KSR1: variants seen among roughly 807,000 people sequenced by gnomAD.
KSR1 encodes kinase suppressor of ras.
KSR1 carries 35 observed loss-of-function variants against 92.9 expected under a neutral mutation model. That is an observed-to-expected ratio of 0.38 (90% CI 0.29 to 0.50). The LOEUF is 0.50. Ranked by LOEUF, KSR1 falls within the 20% of genes least tolerant of loss-of-function variation. The pLI is 0.94. For synonymous variants in KSR1, 467 were observed against 472.6 expected (o/e 0.99, Z 0.15); for missense variants, 972 against 1,158.5 (o/e 0.84, Z 2.34).
chr17:27,591,726 G>A (rs2073173439), intron 7 of KSR1, among the ~76,000 whole-genome samples: 2 of 152,180 alleles, frequency 1.3e-5, no homozygotes, highest in African/African-American at 4.8e-5. Flanking sequence ...TTTACATTAG[G>A]GACCTCTAGC....
intron 19 of KSR1, chr17:27,617,642 C>T (rs2074101327): frequency 1.9e-6 from 1 of 519,788 alleles, no homozygotes; most frequent in Admixed American, 3.1e-5. Context: ...ATTCTCCTGC[C>T]TCAGCCTCCC....
At chr17:27,467,055 C>G (rs2019732684) in intron 1 of KSR1, among the ~76,000 whole-genome samples, 1 of 152,242 alleles carries the variant, frequency 6.6e-6, no homozygotes, top group Non-Finnish European at 1.5e-5. Context: ...TCACAACACC[C>G]TTGTGAGGAA....
At chr17:27,596,927 G>A (rs1278350876) in intron 9 of KSR1, among the ~76,000 whole-genome samples, 2 of 152,230 alleles carry the variant, frequency 1.3e-5, no homozygotes, top group Non-Finnish European at 2.9e-5. Context: ...AGTGCCCGTG[G>A]ACATCTGCAG....
chr17:27,605,937 A>G, intron 14 of KSR1, 124 bp downstream of exon 14: 1 of 1,192,896 alleles, frequency 8.4e-7, no homozygotes, highest in Non-Finnish European at 1.2e-6. Flanking sequence ...GAAGAAAACC[A>G]AAAATGGGGT....
chr17:27,501,656 G>A (rs904402932), intron 1 of KSR1, among the ~76,000 whole-genome samples: 12 of 152,130 alleles, frequency 7.9e-5, no homozygotes, highest in African/African-American at 2.2e-4. Context: ...GCGCCACCAC[G>A]CCTGGCTAAT....
chr17:27,476,919 T>A (rs758479303), intron 1 of KSR1, among the ~76,000 whole-genome samples: 5 of 152,060 alleles, frequency 3.3e-5, no homozygotes, highest in Non-Finnish European at 7.4e-5. Flanking sequence ...TGAAAGCAAG[T>A]TTATTAGGAA....
In KSR1 at chr17:27,559,831, A is replaced by C. The variant is rs182081499; in HGVS notation, c.372+9123A>C. Among the ~76,000 whole-genome samples the C allele has an allele frequency of 0.016, 2,381 of 152,314 alleles. 70 individuals are homozygous for C. The highest frequency in any genetic ancestry group is 0.14 in the South Asian group (697 of 4,828). ...AATCAGAGCGCTTGTGAAGCGCGTG[A>C]GGAGGAGTCTGTGAGGAGGCTGGCG... On this transcript the variant is annotated intron_variant, in intron 2 of 20. Coordinates refer to ENST00000644974, the MANE Select transcript of KSR1 (RefSeq NM_001394583.1). The surrounding 1 kb of genome is among the most constrained non-coding windows in gnomAD (Gnocchi z 4.2).
At chr17:27,464,078 A>G (rs1458125369) in intron 1 of KSR1, among the ~76,000 whole-genome samples, 2 of 152,162 alleles carry the variant, frequency 1.3e-5, no homozygotes, top group African/African-American at 2.4e-5. Context: ...TGATTAAGAC[A>G]TTATACCACC....
chr17:27,548,822 T>C (rs1450647931), intron 1 of KSR1, among the ~76,000 whole-genome samples: 1 of 136,320 alleles, frequency 7.3e-6, no homozygotes, highest in East Asian at 2.0e-4. Flanking sequence ...TTGGTGACCA[T>C]CTCAAAAAAA....
intron 1 of KSR1, chr17:27,483,730 C>T (rs966136428): frequency 6.6e-6 from 1 of 152,262 alleles, no homozygotes; most frequent in African/African-American, 2.4e-5. Flanking sequence ...ATGTGCTGCC[C>T]AAAGCCCCCT....
Position 27,597,506 on chromosome 17 carries a change from T to G in KSR1, c.1468+70T>G, listed in dbSNP as rs2073388606. On this transcript the variant is annotated intron_variant, in intron 10 of 20. Transcript: ENST00000644974. ...GATCCCCTTCTCAGCAGACCCAAGT[T>G]CGGCAGATTCAAGGTCAGACATGGC... 5 of 1,483,890 alleles carry G rather than the reference T, an allele frequency of 3.4e-6. No individual in the cohort carries two copies. In the South Asian group the frequency reaches 6.7e-5, roughly 20 times the overall value. The allele number at this position is 1,483,890 out of a possible 1,614,324, so 91.9% of individuals were successfully genotyped here.
intron 1 of KSR1, among the ~76,000 whole-genome samples, chr17:27,510,116 A>C (rs1233031324): frequency 3.3e-5 from 5 of 152,250 alleles, no homozygotes; most frequent in Non-Finnish European, 7.3e-5. Flanking sequence ...CCCTGCCTCA[A>C]AGCTTGCTGC....
intron 1 of KSR1, among the ~76,000 whole-genome samples, chr17:27,498,093 G>T (rs1262218351): frequency 3.3e-5 from 5 of 152,144 alleles, no homozygotes; most frequent in Admixed American, 6.5e-5. Context: ...ACTTTGGGAG[G>T]CTGAGGCAGA....
intron 1 of KSR1, among the ~76,000 whole-genome samples, chr17:27,479,190 C>T (rs926333045): frequency 2.0e-4 from 30 of 150,344 alleles, no homozygotes; most frequent in African/African-American, 7.1e-4. Flanking sequence ...TTCCCTCCCT[C>T]TATGCTCCTC....
At position 27,617,258 on chromosome 17, in the gene KSR1, CCAGCTCACACACCACTAATGGCAG is replaced by C; in HGVS notation, c.2494-35_2494-12del. ...CTACTGTGTGCCCCCTCCCTCCCAGCCAGCTCACACACCACTAATGGCAGCTCCATTTGCAGGAGATCCTGTCGG... is the reference window on the plus strand; with the variant it reads ...CTACTGTGTGCCCCCTCCCTCCCAGCCTCCATTTGCAGGAGATCCTGTCGG... On this transcript the variant is annotated splice_polypyrimidine_tract_variant and intron_variant, in intron 18 of 20. Transcript: ENST00000644974. 6.3e-7 allele frequency: 1 copy of C among 1,578,976 alleles called. No homozygotes were observed. Among genetic ancestry groups the C allele is most frequent in the Non-Finnish European group, 8.7e-7 (1 of 1,155,176 alleles).
intron 1 of KSR1, among the ~76,000 whole-genome samples, chr17:27,474,603 A>G (rs1458041848): frequency 3.9e-4 from 60 of 152,240 alleles, no homozygotes; most frequent in Non-Finnish European, 7.3e-5. Context: ...GAGCCATGGA[A>G]AAGCACAATG....
chr17:27,503,770 C>A (rs1222206205), intron 1 of KSR1, among the ~76,000 whole-genome samples: 1 of 152,188 alleles, frequency 6.6e-6, no homozygotes, highest in African/African-American at 2.4e-5. Flanking sequence ...TTGCCACATT[C>A]CTTCCTCCTA....
Position 27,623,765 on chromosome 17 carries a change from C to T in KSR1, c.*373C>T. On this transcript the variant is annotated 3_prime_UTR_variant, in exon 21 of 21. Transcript: ENST00000644974. The stretch of plus-strand genomic sequence containing the variant: ...TGAGGACCTTGTAGGCGGTGAGGGA[C>T]CCATGCTGGGCCAGAAGGAAGACAA... The T allele has an allele frequency of 1.8e-6, 1 of 548,880 alleles. No homozygotes were observed. The highest frequency in any genetic ancestry group is 3.1e-6 in the Non-Finnish European group (1 of 317,766). 34.0% of individuals were successfully genotyped at this position (548,880 alleles called of 1,614,324 possible).
intron 1 of KSR1, among the ~76,000 whole-genome samples, chr17:27,521,666 T>A (rs1016920623): frequency 6.6e-6 from 1 of 152,072 alleles, no homozygotes; most frequent in Non-Finnish European, 1.5e-5. Flanking sequence ...CTCCCTAGGC[T>A]CAAGTGATCC....
Sources: allele counts gnomAD v4.1 joint callset (sites outside exome capture counted in the v4.1 genomes callset), GRCh38; gene constraint gnomAD v4.1.1; non-coding constraint Gnocchi (gnomAD v3.1); transcripts MANE v1.5; gene names NCBI Gene and HGNC (gene_info 2026-07-23, HGNC 2026-07-21).